The following ADAM17 variants were observed in gnomAD, a reference collection of about 807,000 sequenced individuals.
ADAM17 encodes the protein disintegrin and metalloproteinase domain-containing protein 17.
In ADAM17, 39 loss-of-function variants were observed where a neutral mutation model predicts 96.7. The ratio of observed to expected loss-of-function variants is 0.40; its 90% confidence interval spans 0.31 to 0.53. The LOEUF is 0.53. Among genes scored for constraint, ADAM17 ranks in the 20% least tolerant of loss-of-function variants. ADAM17 has a pLI of 0.44. For missense variants in ADAM17, 777 were observed against 1,013.2 expected (o/e 0.77, Z 3.17); for synonymous variants, 344 against 359.2 (o/e 0.96, Z 0.48).
At chr2:9,546,281 T>C (rs886863586) in intron 1 of ADAM17, among the ~76,000 whole-genome samples, 4 of 152,200 alleles carry the variant, frequency 2.6e-5, no homozygotes, top group African/African-American at 9.7e-5. Flanking sequence ...ACTTTTTAAA[T>C]GTAGCTTGCT....
At chr2:9,498,746 CTCAGGGAAGGTTTATA>C (rs766623840) in intron 13 of ADAM17, among the ~76,000 whole-genome samples, 1 of 152,170 alleles carries the variant, frequency 6.6e-6, no homozygotes, top group Non-Finnish European at 1.5e-5. Context: ...GTCCAGTGAG[CTCAGGGAAGGTTTATA>C]TTGTGGATCA....
chr2:9,490,664 TAAGTG>T, intron 18 of ADAM17, 146 bp from the exon 19 acceptor site: 1 of 830,180 alleles, frequency 1.2e-6, no homozygotes, highest in Non-Finnish European at 1.8e-6. Context: ...TCACTCAACC[TAAGTG>T]ACTAAAAAAT....
intron 14 of ADAM17, chr2:9,496,437 T>A (rs1180019835): frequency 1.3e-5 from 2 of 152,232 alleles, no homozygotes; most frequent in African/African-American, 4.8e-5. Flanking sequence ...GCTCTCTGTC[T>A]ATTTTGAAAG....
chr2:9,548,999 G>A (rs1486303829), intron 1 of ADAM17, among the ~76,000 whole-genome samples: 1 of 152,146 alleles, frequency 6.6e-6, no homozygotes, highest in African/African-American at 2.4e-5. Context: ...TTAATGCATT[G>A]ACATAAAGTA....
At chr2:9,552,939 G>C (rs946286137) in intron 1 of ADAM17, among the ~76,000 whole-genome samples, 5 of 152,056 alleles carry the variant, frequency 3.3e-5, no homozygotes, top group African/African-American at 1.2e-4. Context: ...AGTAGTATTT[G>C]TAGGACAATA....
At chr2:9,511,888 T>C (rs1434812012) in intron 10 of ADAM17, among the ~76,000 whole-genome samples, 1 of 152,108 alleles carries the variant, frequency 6.6e-6, no homozygotes, top group African/African-American at 2.4e-5. Flanking sequence ...GAAGAATTGC[T>C]TGAACCCAGG....
intron 17 of ADAM17, among the ~76,000 whole-genome samples, chr2:9,492,125 C>A (rs995693124): frequency 2.6e-5 from 4 of 152,216 alleles, no homozygotes; most frequent in Non-Finnish European, 5.9e-5. Flanking sequence ...GTAGGAAAAA[C>A]TCCTTTGTCA....
rs758081961 is a variant in ADAM17, at chr2:9,502,879, C to CAAAAA, written c.1545-608_1545-604dup. Among the ~76,000 whole-genome samples the CAAAAA allele has an allele frequency of 1.4e-3, 61 of 43,556 alleles. 1 individual carries two copies. Among genetic ancestry groups the CAAAAA allele is most frequent in the Non-Finnish European group, 1.9e-3 (46 of 24,856 alleles). The allele number at this position is 43,556 out of a possible 152,430, so 28.6% of individuals were successfully genotyped here. A position where few individuals can be genotyped will look rare whatever the true frequency, so the allele number is the denominator to read the frequency against. On this transcript the variant is annotated intron_variant, in intron 12 of 18. Coordinates refer to ENST00000310823, the MANE Select transcript of ADAM17 (RefSeq NM_003183.6). ...AGGCAACAAGAGAGAAATTCTGTCT[C>CAAAAA]AAAAAAAAAAAAAAAAAAAAAAAAG...
chr2:9,549,331 C>T (rs966679509), intron 1 of ADAM17, among the ~76,000 whole-genome samples: 1 of 152,076 alleles, frequency 6.6e-6, no homozygotes, highest in Admixed American at 6.5e-5. Context: ...GCTGAGATCA[C>T]GCCACTGCAC....
Position 9,490,457 on chromosome 2 carries a change from G to A in ADAM17, c.2195C>T (p.Ala732Val), listed in dbSNP as rs181463078. Residue 732 changes from alanine to valine, a missense_variant, in exon 19 of 19, where the codon GCG (alanine) becomes GTG (valine). By Grantham distance (64) the Ala-to-Val change is moderately conservative. This residue lies in a region of ADAM17 where 197 missense variants were observed against 219.4 expected (regional missense o/e 0.90). Coordinates refer to ENST00000310823, the MANE Select transcript of ADAM17 (RefSeq NM_003183.6). ...ASVRIIKPFP[A>V]PQTPGRLQPA... Reference sequence around the variant, plus strand: ...CTGCAGGCGGCCTGGAGTCTGGGGCGCAGGAAAGGGTTTGATAATGCGAAC... The same window carrying A: ...CTGCAGGCGGCCTGGAGTCTGGGGCACAGGAAAGGGTTTGATAATGCGAAC... 31 of 1,614,028 alleles carry A rather than the reference G, an allele frequency of 1.9e-5. No homozygotes were observed. Among genetic ancestry groups the A allele is most frequent in the East Asian group, 6.7e-5 (3 of 44,878 alleles).
At position 9,494,761 on chromosome 2, in the gene ADAM17, T is replaced by C; in HGVS notation, c.1790A>G (p.Asp597Gly). ...CCTGCAGCACACCTTGCAGGAGTTG[T>C]CAGTTTCTGGAACAGAGAACACGCA... ...QLESCACNETDNSCKVCCRDL... is the reference protein window; with the variant it reads ...QLESCACNETGNSCKVCCRDL... The change falls in exon 15 of 19, where the codon GAC (aspartate) becomes GGC (glycine). Residue 597 changes from aspartate (D) to glycine (G), a missense_variant. Coordinates refer to ENST00000310823, the MANE Select transcript of ADAM17 (RefSeq NM_003183.6). The C allele has an allele frequency of 6.2e-7, 1 of 1,613,886 alleles. No homozygotes were observed.
rs978412325 is a variant in ADAM17 at position 9,521,083 on chromosome 2, G to C, written c.957+120C>G. Reference sequence around the variant, plus strand: ...GATGGGGTTACTGCTGGATCAGCTGGAGGAGACTGCTTCTGGGTGTCCATC... The same window carrying C: ...GATGGGGTTACTGCTGGATCAGCTGCAGGAGACTGCTTCTGGGTGTCCATC... On this transcript the variant is annotated intron_variant, in intron 8 of 18. Coordinates refer to ENST00000310823, the MANE Select transcript of ADAM17 (RefSeq NM_003183.6). The C allele has an allele frequency of 2.0e-5, 14 of 705,210 alleles. No individual in the cohort carries two copies. The African/African-American group carries it at 2.1e-4, about 11-fold the overall frequency. The allele number at this position is 705,210 out of a possible 1,614,324, so 43.7% of individuals were successfully genotyped here.
At chr2:9,542,181 A>G (rs1665230980) in intron 2 of ADAM17, among the ~76,000 whole-genome samples, 1 of 152,252 alleles carries the variant, frequency 6.6e-6, no homozygotes, top group African/African-American at 2.4e-5. Flanking sequence ...TATTAAAATT[A>G]CTACTGAAAT....
chr2:9,491,026 G>C, intron 18 of ADAM17, 75 bp downstream of exon 18: 2 of 1,335,900 alleles, frequency 1.5e-6, no homozygotes, highest in South Asian at 2.5e-5. Context: ...GCTCTTGCTG[G>C]GTCAGGTGAA....
intron 4 of ADAM17, among the ~76,000 whole-genome samples, chr2:9,532,688 A>G (rs1240369966): frequency 2.4e-5 from 3 of 126,084 alleles, no homozygotes; most frequent in African/African-American, 9.5e-5. Flanking sequence ...AGGTCTCCCT[A>G]TATTGCCTGG....
chr2:9,491,296 C>T, intron 17 of ADAM17, 145 bp from the exon 18 acceptor site: 1 of 648,542 alleles, frequency 1.5e-6, no homozygotes, highest in East Asian at 2.9e-5. Context: ...AGATGACAAT[C>T]CATTTCTCAC....
At chr2:9,526,066 C>A (rs2079968968) in intron 6 of ADAM17, 45 bp downstream of exon 6, 7 of 1,543,736 alleles carry the variant, frequency 4.5e-6, no homozygotes, top group South Asian at 1.3e-5. Context: ...AATGTACCCA[C>A]CCAAATTTTT....
chr2:9,514,525 ATATATAT>A (rs1558509889), intron 10 of ADAM17, among the ~76,000 whole-genome samples: 5 of 5,722 alleles, frequency 8.7e-4, no homozygotes, highest in African/African-American at 3.8e-3. Flanking sequence ...ATAAATATAT[ATATATAT>A]ATATATATAT....
chr2:9,509,326 C>G (rs1663596822), intron 11 of ADAM17, among the ~76,000 whole-genome samples: 4 of 152,222 alleles, frequency 2.6e-5, no homozygotes, highest in Admixed American at 2.0e-4. Context: ...TTAGTTCAGA[C>G]TCTAAGAGTT....
Sources: gnomAD v4.1 joint callset for allele counts (sites outside exome capture counted in the v4.1 genomes callset) on GRCh38, gnomAD v4.1.1 for gene constraint, gnomAD v4.1.1 regional missense constraint, MANE v1.5 for transcripts, NCBI Gene and HGNC (gene_info 2026-07-23, HGNC 2026-07-21) for gene names.